The following PRR16 variants were observed in gnomAD, a reference collection of about 807,000 sequenced individuals.
PRR16 encodes the protein protein Largen.
Under a neutral mutation model 18.2 loss-of-function variants are expected in PRR16, and 6 were observed. The ratio of observed to expected loss-of-function variants is 0.33; its 90% CI spans 0.18 to 0.65. The LOEUF (loss-of-function observed/expected upper bound fraction) is 0.65, where lower values mean the gene tolerates loss of function less well. PRR16 is among the 30% of genes least tolerant of loss of function. The pLI, the probability that PRR16 is intolerant of heterozygous loss-of-function variation, is 0.74. For missense variants in PRR16, 412 were observed against 376.6 expected (o/e 1.09, Z -0.78); for synonymous variants, 151 against 147.8 (o/e 1.02, Z -0.16).
chr5:120,493,852 A>T (rs1750151262), intron 1 of PRR16, among the ~76,000 whole-genome samples: 2 of 152,034 alleles, frequency 1.3e-5, no homozygotes, highest in African/African-American at 2.4e-5. Flanking sequence ...GCAGGTTATG[A>T]TGTGTATCTA....
chr5:120,747,173 C>A, the PRR16 span, among the ~76,000 whole-genome samples: 1 of 152,046 alleles, frequency 6.6e-6, no homozygotes, highest in African/African-American at 2.4e-5. Context: ...TTTTTTCATA[C>A]AAGACCCCAA....
At chr5:120,472,124 G>A (rs1160878573) in intron 1 of PRR16, among the ~76,000 whole-genome samples, 1 of 152,064 alleles carries the variant, frequency 6.6e-6, no homozygotes, top group African/African-American at 2.4e-5. Flanking sequence ...AATAATTGAA[G>A]TTAGGCAAAT....
chr5:120,793,896 G>A, the PRR16 span, among the ~76,000 whole-genome samples: 2 of 151,964 alleles, frequency 1.3e-5, no homozygotes, highest in Non-Finnish European at 2.9e-5. Flanking sequence ...TGTAAGCAGT[G>A]GTAACACAAT....
the PRR16 span, among the ~76,000 whole-genome samples, chr5:120,755,211 A>G: frequency 6.6e-6 from 1 of 151,946 alleles, no homozygotes; most frequent in East Asian, 1.9e-4. Context: ...TTTAAAAAAA[A>G]TCTAAAAAAA....
chr5:120,579,074 C>T (rs1753175540), intron 1 of PRR16, among the ~76,000 whole-genome samples: 2 of 152,012 alleles, frequency 1.3e-5, no homozygotes, highest in African/African-American at 2.4e-5. Context: ...TTTTCATATC[C>T]TTTGCCCACT....
chr5:120,673,200 T>G (rs1351209179), intron 1 of PRR16, among the ~76,000 whole-genome samples: 1 of 152,268 alleles, frequency 6.6e-6, no homozygotes, highest in Non-Finnish European at 1.5e-5. Flanking sequence ...TTTAACTATA[T>G]GGAACTATGT....
intron 1 of PRR16, among the ~76,000 whole-genome samples, chr5:120,522,120 T>C (rs918792871): frequency 7.9e-5 from 12 of 152,204 alleles, no homozygotes; most frequent in Non-Finnish European, 1.5e-4. Context: ...TGAATAGTGC[T>C]GCAATAAACA....
Position 120,482,595 on chromosome 5 carries a change from G to A in PRR16, c.159+17950G>A, listed in dbSNP as rs183026970. ...GAATAGTGATGCGATGAACATATGAGTATGTGTGTTTTTTTGGTAGAATGA... is the reference window on the plus strand; with the variant it reads ...GAATAGTGATGCGATGAACATATGAATATGTGTGTTTTTTTGGTAGAATGA... On this transcript the variant is annotated intron_variant, in intron 1 of 1. Transcript: ENST00000407149. Among the ~76,000 whole-genome samples, 23 of 152,266 alleles carry A rather than the reference G, an allele frequency of 1.5e-4. No homozygotes were observed. The East Asian group carries it at 4.1e-3, about 27-fold the overall frequency.
intron 1 of PRR16, among the ~76,000 whole-genome samples, chr5:120,651,643 A>C (rs1224989990): frequency 6.6e-6 from 1 of 152,058 alleles, no homozygotes; most frequent in Non-Finnish European, 1.5e-5. Context: ...GGTTGTAGAT[A>C]TGTGGCATTA....
chr5:120,765,429 T>C, the PRR16 span, among the ~76,000 whole-genome samples: 126 of 152,174 alleles, frequency 8.3e-4, no homozygotes, highest in African/African-American at 2.9e-3. Context: ...CTTAAGCAGA[T>C]TGCATCACAT....
intron 1 of PRR16, among the ~76,000 whole-genome samples, chr5:120,657,780 G>A (rs1425615999): frequency 1.3e-5 from 2 of 151,940 alleles, no homozygotes; most frequent in African/African-American, 2.4e-5. Flanking sequence ...TTGGAAGAAA[G>A]CATTAGGAAT....
the PRR16 span, chr5:120,790,776 C>T: frequency 7.3e-5 from 11 of 151,708 alleles, no homozygotes; most frequent in African/African-American, 2.7e-4. Flanking sequence ...GAGACCACAG[C>T]AAGCAGTTTT....
At chr5:120,498,432 C>A (rs1750333069) in intron 1 of PRR16, among the ~76,000 whole-genome samples, 1 of 150,714 alleles carries the variant, frequency 6.6e-6, no homozygotes, top group African/African-American at 2.4e-5. Flanking sequence ...GTATGGAAAC[C>A]TTAAAACTCC....
At chr5:120,612,890 C>T (rs999790829) in intron 1 of PRR16, among the ~76,000 whole-genome samples, 1 of 152,002 alleles carries the variant, frequency 6.6e-6, no homozygotes, top group Non-Finnish European at 1.5e-5. Flanking sequence ...TGCATGTATT[C>T]CCTTGAGACT....
chr5:120,538,009 C>T (rs1248253728), intron 1 of PRR16, among the ~76,000 whole-genome samples: 1 of 151,836 alleles, frequency 6.6e-6, no homozygotes, highest in Non-Finnish European at 1.5e-5. Flanking sequence ...ATCTCCTGAC[C>T]TCGTGATCCG....
chr5:120,667,198 G>A (rs1756414304), intron 1 of PRR16, among the ~76,000 whole-genome samples: 1 of 151,010 alleles, frequency 6.6e-6, no homozygotes. Flanking sequence ...GAGAGTGTAT[G>A]TGTCGAGGAA....
At chr5:120,570,512 A>G (rs1752872873) in intron 1 of PRR16, among the ~76,000 whole-genome samples, 1 of 152,194 alleles carries the variant, frequency 6.6e-6, no homozygotes, top group African/African-American at 2.4e-5. Flanking sequence ...AGAGTAATAG[A>G]TAAAACATTA....
At chr5:120,555,845 T>C (rs997762018) in intron 1 of PRR16, among the ~76,000 whole-genome samples, 1 of 131,504 alleles carries the variant, frequency 7.6e-6, no homozygotes, top group Non-Finnish European at 1.7e-5. Context: ...AAAAAAAAAA[T>C]TTCCCATAAG....
At chr5:120,738,171 AGAATATG>A in the PRR16 span, among the ~76,000 whole-genome samples, 1 of 152,148 alleles carries the variant, frequency 6.6e-6, no homozygotes, top group African/African-American at 2.4e-5. Context: ...TTTAATCAGT[AGAATATG>A]GAATATGGAA....
Sources: allele counts gnomAD v4.1 joint callset (sites outside exome capture counted in the v4.1 genomes callset), GRCh38; gene constraint gnomAD v4.1.1; transcripts MANE v1.5; gene names NCBI Gene and HGNC (gene_info 2026-07-23, HGNC 2026-07-21).